Variants in RNPEPL1 observed in about 807,000 individuals in gnomAD.
RNPEPL1 encodes arginyl aminopeptidase like 1, also known as aminopeptidase RNPEPL1.
In RNPEPL1, 46 loss-of-function variants were observed where a neutral mutation model predicts 69.0. The observed-to-expected ratio is 0.67, with a 90% CI of 0.53 to 0.85. The LOEUF (loss-of-function observed/expected upper bound fraction) is 0.85. Ranked by LOEUF, RNPEPL1 falls within the 40% of genes least tolerant of loss-of-function variation. RNPEPL1 has a pLI of 0.00. For missense variants in RNPEPL1, 869 were observed against 992.5 expected (o/e 0.88, Z 1.67); for synonymous variants, 525 against 454.1 (o/e 1.16, Z -1.98).
In RNPEPL1 at chr2:240,568,738, G is replaced by A; in HGVS notation, c.152G>A (p.Arg51Gln). Reference protein sequence around the residue: ...LRHLQLGLELRPEARELAGCL... With the variant: ...LRHLQLGLELQPEARELAGCL... ...CACCTGCAGCTGGGCCTGGAGCTGC[G>A]GCCCGAGGCGCGCGAGTTGGCCGGC... is the stretch of plus-strand genomic sequence containing the variant. The change falls in exon 1 of 11, where the codon CGG becomes CAG. Residue 51 changes from arginine (R) to glutamine (Q), a missense_variant. Coordinates refer to ENST00000270357, the MANE Select transcript of RNPEPL1 (RefSeq NM_018226.6). This position sits in a 1 kb window ranked among gnomAD's most constrained non-coding sequence, Gnocchi z 6.2. 9.4e-7 allele frequency: 1 copy of A among 1,061,014 alleles called. No homozygotes were observed. Among genetic ancestry groups the A allele is most frequent in the Non-Finnish European group, 1.1e-6 (1 of 877,260 alleles). The allele number at this position is 1,061,014 out of a possible 1,614,324, so 65.7% of individuals were successfully genotyped here. A position where few individuals can be genotyped will look rare whatever the true frequency, so the allele number is the denominator to read the frequency against.
intron 8 of RNPEPL1, chr2:240,576,197 C>G (rs1223004179): frequency 2.5e-6 from 1 of 406,684 alleles, no homozygotes; most frequent in African/African-American, 2.0e-5. Flanking sequence ...TGCCCCCATC[C>G]CGCCCCTGCT....
chr2:240,577,604 A>G lies in RNPEPL1; in HGVS notation c.1890A>G (p.Ser630=). The G allele has an allele frequency of 6.4e-7, 1 of 1,567,434 alleles. No homozygotes were observed. ...RVRRFLESQM[S]RMYTIPLYED... ...ACCGAGTGCCCCTCCTGCAGATGTC[A>G]CGCATGTACACCATCCCGCTGTACG... Residue 630 remains serine, a synonymous_variant, in exon 11 of 11, where the codon TCA becomes TCG. Transcript: ENST00000270357.
chr2:240,577,935 T>C lies in RNPEPL1; in HGVS notation c.*43T>C. 1 of 1,428,076 alleles carries C rather than the reference T, an allele frequency of 7.0e-7. No individual in the cohort carries two copies. Among genetic ancestry groups the C allele is most frequent in the Non-Finnish European group, 9.3e-7 (1 of 1,080,588 alleles). 88.5% of individuals were successfully genotyped at this position (1,428,076 alleles called of 1,614,324 possible). On this transcript the variant is annotated 3_prime_UTR_variant, in exon 11 of 11. Coordinates refer to ENST00000270357, the MANE Select transcript of RNPEPL1 (RefSeq NM_018226.6). Reference sequence around the variant, plus strand: ...CCCTCGACCTCCCAGACACCACAATTGTGCCTTCTGTGGGCCAGGCCTGCC... The same window carrying C: ...CCCTCGACCTCCCAGACACCACAATCGTGCCTTCTGTGGGCCAGGCCTGCC...
chr2:240,574,971 C>T (rs866382754), intron 6 of RNPEPL1, 59 bp from the exon 7 acceptor site: 1 of 1,300,590 alleles, frequency 7.7e-7, no homozygotes. Context: ...CTGCCCCTCC[C>T]TATTCCACGG....
At position 240,580,521 on chromosome 2, in the gene RNPEPL1, G is replaced by T. The variant is rs1179110774; in HGVS notation, c.*2629G>T. 4 of 152,370 alleles carry T rather than the reference G, an allele frequency of 2.6e-5. No homozygotes were observed. Among genetic ancestry groups the T allele is most frequent in the Admixed American group, 2.6e-4 (4 of 15,288 alleles). 9.4% of individuals were successfully genotyped at this position (152,370 alleles called of 1,614,324 possible). On this transcript the variant is annotated 3_prime_UTR_variant, in exon 11 of 11. Coordinates refer to ENST00000270357, the MANE Select transcript of RNPEPL1 (RefSeq NM_018226.6). The stretch of plus-strand genomic sequence containing the variant: ...TGCAGGCCCACCTCAGGCTGGCAGG[G>T]GAAGGGGGGATTCTCTTCAATGTGA...
intron 1 of RNPEPL1, among the ~76,000 whole-genome samples, chr2:240,571,919 C>G (rs938880073): frequency 3.6e-4 from 54 of 151,662 alleles, no homozygotes; most frequent in African/African-American, 1.3e-3. Context: ...TGCCTGGGCT[C>G]AGGGTGGCTC....
In RNPEPL1 at chr2:240,574,980, G is replaced by A. The variant is rs758904324; in HGVS notation, c.1289-50G>A. On this transcript the variant is annotated intron_variant, in intron 6 of 10. Coordinates refer to ENST00000270357, the MANE Select transcript of RNPEPL1 (RefSeq NM_018226.6). The stretch of plus-strand genomic sequence containing the variant: ...TGACCACTGCCCCTCCCTATTCCAC[G>A]GGACACTGGTGGTTTCGGACGCCAG... 6.4e-6 allele frequency: 9 copies of A among 1,398,570 alleles called. No homozygotes were observed. The highest frequency in any genetic ancestry group is 2.3e-5 in the East Asian group (1 of 43,882). The allele number at this position is 1,398,570 out of a possible 1,614,324, so 86.6% of individuals were successfully genotyped here.
Position 240,573,316 on chromosome 2 carries a change from A to G in RNPEPL1, c.821+55A>G, listed in dbSNP as rs1377534942. 3.3e-6 allele frequency: 5 copies of G among 1,504,740 alleles called. No individual in the cohort carries two copies. In the Admixed American group the frequency reaches 8.5e-5, roughly 26 times the overall value. The allele number at this position is 1,504,740 out of a possible 1,614,324, so 93.2% of individuals were successfully genotyped here. On this transcript the variant is annotated intron_variant, in intron 3 of 10. Coordinates refer to ENST00000270357, the MANE Select transcript of RNPEPL1 (RefSeq NM_018226.6). ...CTGCGCAGGCCTCGGGGAGAGCCCC[A>G]CCGGGGGTCTGTGGCCTGTGTCCAC... is the stretch of plus-strand genomic sequence containing the variant.
Position 240,576,785 on chromosome 2 carries a change from G to GGGGGCGGCCCAGGGGCTGGGGTGCA in RNPEPL1, c.1741+21_1742-38dup, listed in dbSNP as rs2093038948. ...CGCAGGGTGAGTCCCTGCAGCTGATGGGGGCGGCCCAGGGGCTGGGGTGCA... is the reference window on the plus strand; with the variant it reads ...CGCAGGGTGAGTCCCTGCAGCTGATGGGGGCGGCCCAGGGGCTGGGGTGCAGGGGCGGCCCAGGGGCTGGGGTGCA... On this transcript the variant is annotated intron_variant, in intron 9 of 10. Transcript: ENST00000270357. 6.2e-7 allele frequency: 1 copy of GGGGGCGGCCCAGGGGCTGGGGTGCA among 1,612,584 alleles called. No individual in the cohort carries two copies. The highest frequency in any genetic ancestry group is 1.3e-5 in the African/African-American group (1 of 75,056).
intron 4 of RNPEPL1, 70 bp downstream of exon 4, chr2:240,573,961 C>A: frequency 6.9e-7 from 1 of 1,443,144 alleles, no homozygotes; most frequent in Non-Finnish European, 9.5e-7. Context: ...CTCGTCTGAC[C>A]CCTGGGGTGT....
At position 240,579,430 on chromosome 2, in the gene RNPEPL1, C is replaced by A. The variant is rs1037525721; in HGVS notation, c.*1538C>A. 2 of 152,178 alleles carry A rather than the reference C, an allele frequency of 1.3e-5. No homozygotes were observed. Among genetic ancestry groups the A allele is most frequent in the Non-Finnish European group, 2.9e-5 (2 of 68,060 alleles). 9.4% of individuals were successfully genotyped at this position (152,178 alleles called of 1,614,324 possible). ...TCTGGTCTAGGGTCTGGGGCCGTCTCTACATGTGTTGCTTCATGTACCTTC... is the reference window on the plus strand; with the variant it reads ...TCTGGTCTAGGGTCTGGGGCCGTCTATACATGTGTTGCTTCATGTACCTTC... On this transcript the variant is annotated 3_prime_UTR_variant, in exon 11 of 11. Coordinates refer to ENST00000270357, the MANE Select transcript of RNPEPL1 (RefSeq NM_018226.6).
rs1220403758 is a variant in RNPEPL1, at chr2:240,580,721, CTAA to C, written c.*2831_*2833del. The C allele has an allele frequency of 3.9e-5, 6 of 152,190 alleles. No individual in the cohort carries two copies. The highest frequency in any genetic ancestry group is 1.3e-4 in the Admixed American group (2 of 15,276). The allele number at this position is 152,190 out of a possible 1,614,324, so 9.4% of individuals were successfully genotyped here. ...AAGCGGGGGCAGATGGCAAACAGCA[CTAA>C]TGACAACGACGGAGCTGAGGCCAGA... On this transcript the variant is annotated 3_prime_UTR_variant, in exon 11 of 11. Coordinates refer to ENST00000270357, the MANE Select transcript of RNPEPL1 (RefSeq NM_018226.6).
At position 240,576,428 on chromosome 2, in the gene RNPEPL1, G is replaced by A. The variant is rs1210372036; in HGVS notation, c.1511-107G>A. ...CTGAACAGCCCACGTCCCTGGAACA[G>A]GCCACCTGCCTGGAACACACTCAGG... On this transcript the variant is annotated intron_variant, in intron 8 of 10. Transcript: ENST00000270357. The A allele has an allele frequency of 6.4e-6, 7 of 1,093,502 alleles. No individual in the cohort carries two copies. In the South Asian group the frequency reaches 9.5e-5, roughly 15 times the overall value. The allele number at this position is 1,093,502 out of a possible 1,614,324, so 67.7% of individuals were successfully genotyped here. A position where few individuals can be genotyped will look rare whatever the true frequency, so the allele number is the denominator to read the frequency against.
In RNPEPL1 at chr2:240,568,866, C is replaced by T; in HGVS notation, c.280C>T (p.Pro94Ser). ...RLHSAAFRRA[P>S]AAAAETPCAF... Reference sequence around the variant, plus strand: ...GCACTCAGCCGCCTTCCGTCGCGCCCCCGCCGCCGCCGCCGAGACGCCCTG... The same window carrying T: ...GCACTCAGCCGCCTTCCGTCGCGCCTCCGCCGCCGCCGCCGAGACGCCCTG... The change falls in exon 1 of 11, where the codon CCC (proline) becomes TCC (serine). Residue 94 changes from proline to serine, a missense_variant. By Grantham distance (74) the Pro-to-Ser change is moderately conservative. Transcript: ENST00000270357. The surrounding 1 kb of genome is among the most constrained non-coding windows in gnomAD (Gnocchi z 6.2). The T allele has an allele frequency of 8.3e-7, 1 of 1,208,126 alleles. No homozygotes were observed. The highest frequency in any genetic ancestry group is 1.0e-6 in the Non-Finnish European group (1 of 968,172). The allele number at this position is 1,208,126 out of a possible 1,614,324, so 74.8% of individuals were successfully genotyped here. A position where few individuals can be genotyped will look rare whatever the true frequency, so the allele number is the denominator to read the frequency against.
intron 1 of RNPEPL1, among the ~76,000 whole-genome samples, chr2:240,571,512 C>G (rs1457826822): frequency 6.6e-6 from 1 of 152,096 alleles, no homozygotes; most frequent in African/African-American, 2.4e-5. Flanking sequence ...GAGGGTCCCC[C>G]TCCCAGACTC....
At chr2:240,576,417 T>C in intron 8 of RNPEPL1, 118 bp from the exon 9 acceptor site, 1 of 936,454 alleles carries the variant, frequency 1.1e-6, no homozygotes, top group Non-Finnish European at 1.6e-6. Context: ...ACAGCCCACG[T>C]CCCTGGAACA....
At position 240,575,022 on chromosome 2, in the gene RNPEPL1, C is replaced by T. The variant is rs370907562; in HGVS notation, c.1289-8C>T. On this transcript the variant is annotated splice_polypyrimidine_tract_variant and splice_region_variant and intron_variant, in intron 6 of 10. Transcript: ENST00000270357. ...GGACGCCAGCCCAGGTGGGTGTTCACCTTGCAGGAGTGAATCCCAGCCACC... is the reference window on the plus strand; with the variant it reads ...GGACGCCAGCCCAGGTGGGTGTTCATCTTGCAGGAGTGAATCCCAGCCACC... The T allele has an allele frequency of 5.5e-5, 89 of 1,609,832 alleles. No individual in the cohort carries two copies. The highest frequency in any genetic ancestry group is 7.1e-5 in the Non-Finnish European group (83 of 1,176,548).
intron 6 of RNPEPL1, 34 bp downstream of exon 6, chr2:240,574,662 G>A (rs748143244): frequency 2.6e-6 from 4 of 1,546,188 alleles, no homozygotes; most frequent in Non-Finnish European, 3.6e-6. Context: ...CCCACAACTG[G>A]GGATGTCACC....
chr2:240,571,854 G>C (rs1442876143), intron 1 of RNPEPL1, among the ~76,000 whole-genome samples: 1 of 151,968 alleles, frequency 6.6e-6, no homozygotes, highest in African/African-American at 2.4e-5. Context: ...TCCACTCCCT[G>C]CTTGCTGTCC....
Sources: allele counts gnomAD v4.1 joint callset (sites outside exome capture counted in the v4.1 genomes callset), GRCh38; gene constraint gnomAD v4.1.1; non-coding constraint Gnocchi (gnomAD v3.1); transcripts MANE v1.5; gene names NCBI Gene and HGNC (gene_info 2026-07-23, HGNC 2026-07-21).